Variants in CNPY3 observed in about 807,000 individuals in gnomAD.
CNPY3 encodes protein canopy homolog 3.
Under a neutral mutation model 32.0 loss-of-function variants are expected in CNPY3, and 20 were observed. The observed-to-expected ratio is 0.63, with a 90% CI of 0.44 to 0.91. The LOEUF is 0.91. Ranked by LOEUF, CNPY3 falls within the 40% of genes least tolerant of loss-of-function variation. The pLI is 0.00. For synonymous variants in CNPY3, 138 were observed against 142.9 expected (o/e 0.97, Z 0.24); for missense variants, 299 against 340.8 (o/e 0.88, Z 0.97).
In CNPY3 at chr6:42,939,031, T is replaced by C; in HGVS notation, c.*240T>C. 7.6e-7 allele frequency: 1 copy of C among 1,309,788 alleles called. No homozygotes were observed. Among genetic ancestry groups the C allele is most frequent in the Admixed American group, 3.5e-5 (1 of 28,920 alleles). 81.1% of individuals were successfully genotyped at this position (1,309,788 alleles called of 1,614,324 possible). Reference sequence around the variant, plus strand: ...TGACCCAGGGTTCAGGCAGGCCTTGTGGTTTCAGGACTGCAAGGACTCCAG... The same window carrying C: ...TGACCCAGGGTTCAGGCAGGCCTTGCGGTTTCAGGACTGCAAGGACTCCAG... On this transcript the variant is annotated 3_prime_UTR_variant, in exon 6 of 6. Transcript: ENST00000372836.
chr6:42,934,253 A>G (rs1768050570), intron 1 of CNPY3, among the ~76,000 whole-genome samples: 1 of 152,208 alleles, frequency 6.6e-6, no homozygotes, highest in Non-Finnish European at 1.5e-5. Flanking sequence ...GAAATCCTAG[A>G]GGCATTCCTG....
chr6:42,929,925 A>G (rs1301087677), intron 1 of CNPY3, among the ~76,000 whole-genome samples: 1 of 151,980 alleles, frequency 6.6e-6, no homozygotes, highest in East Asian at 1.9e-4. Flanking sequence ...GAAACAAGCA[A>G]TGATAATTCA....
In CNPY3 at chr6:42,939,046, A is replaced by T; in HGVS notation, c.*255A>T. On this transcript the variant is annotated 3_prime_UTR_variant, in exon 6 of 6. Transcript: ENST00000372836. Reference sequence around the variant, plus strand: ...GCAGGCCTTGTGGTTTCAGGACTGCAAGGACTCCAGTGTGAACTCAGGAGG... The same window carrying T: ...GCAGGCCTTGTGGTTTCAGGACTGCTAGGACTCCAGTGTGAACTCAGGAGG... The T allele has an allele frequency of 7.8e-7, 1 of 1,281,762 alleles. No homozygotes were observed. The allele number at this position is 1,281,762 out of a possible 1,614,324, so 79.4% of individuals were successfully genotyped here.
intron 2 of CNPY3, 95 bp downstream of exon 2, chr6:42,934,693 A>C (rs893122769): frequency 6.5e-7 from 1 of 1,540,374 alleles, no homozygotes; most frequent in African/African-American, 1.4e-5. Flanking sequence ...AACCCCCTAC[A>C]AGGGCATCAT....
chr6:42,936,432 T>G (rs756081910), intron 3 of CNPY3, among the ~76,000 whole-genome samples: 24 of 152,206 alleles, frequency 1.6e-4, no homozygotes, highest in Non-Finnish European at 1.3e-4. Flanking sequence ...CAATAGGGGA[T>G]TAAATACGTT....
chr6:42,936,451 C>T (rs977063715), intron 3 of CNPY3, among the ~76,000 whole-genome samples: 3 of 152,122 alleles, frequency 2.0e-5, no homozygotes, highest in African/African-American at 4.8e-5. Context: ...TTGATCCAGC[C>T]GTTTGGTGGA....
intron 1 of CNPY3, among the ~76,000 whole-genome samples, 198 bp from the exon 2 acceptor site, chr6:42,934,277 T>C (rs1768051930): frequency 6.6e-6 from 1 of 152,164 alleles, no homozygotes; most frequent in Admixed American, 6.5e-5. Context: ...CTGGGGTTAA[T>C]CAGAAGTCAA....
At chr6:42,932,026 A>T (rs1317174068) in intron 1 of CNPY3, among the ~76,000 whole-genome samples, 2 of 152,174 alleles carry the variant, frequency 1.3e-5, no homozygotes, top group East Asian at 1.9e-4. Context: ...CCCAGCCTGT[A>T]TTCTGTCTTA....
intron 1 of CNPY3, 151 bp from the exon 2 acceptor site, chr6:42,934,324 C>T (rs1768055632): frequency 2.4e-6 from 2 of 841,104 alleles, no homozygotes; most frequent in African/African-American, 1.7e-5. Context: ...GTTGCTTTAG[C>T]CTCCACAGGT....
intron 1 of CNPY3, among the ~76,000 whole-genome samples, chr6:42,933,936 C>T (rs1198255243): frequency 1.3e-5 from 2 of 152,028 alleles, no homozygotes; most frequent in African/African-American, 2.4e-5. Context: ...TTTGTGAGGC[C>T]GAGGTGGGCG....
Position 42,939,264 on chromosome 6 carries a change from T to G in CNPY3, c.*473T>G. On this transcript the variant is annotated 3_prime_UTR_variant, in exon 6 of 6. Transcript: ENST00000372836. ...AAGAGTAAAAATGTTCTGGTTCTGA[T>G]TTCTGAGTCCTCTGCAGCCCTCAGA... The G allele has an allele frequency of 3.0e-6, 3 of 987,132 alleles. No homozygotes were observed. Among genetic ancestry groups the G allele is most frequent in the Non-Finnish European group, 3.6e-6 (3 of 831,278 alleles). The allele number at this position is 987,132 out of a possible 1,614,324, so 61.1% of individuals were successfully genotyped here.
At chr6:42,933,559 T>C (rs760722315) in intron 1 of CNPY3, among the ~76,000 whole-genome samples, 1 of 152,172 alleles carries the variant, frequency 6.6e-6, no homozygotes, top group African/African-American at 2.4e-5. Context: ...AAAGATGTTT[T>C]GGGGACAATT....
Position 42,929,581 on chromosome 6 carries a change from T to A in CNPY3, c.11T>A (p.Met4Lys). The A allele has an allele frequency of 6.3e-7, 1 of 1,577,594 alleles. No homozygotes were observed. Among genetic ancestry groups the A allele is most frequent in the South Asian group, 1.1e-5 (1 of 87,218 alleles). The change falls in exon 1 of 6, where the codon ATG becomes AAG. Residue 4 changes from methionine to lysine, a missense_variant. This residue lies in a region of CNPY3 where 88 missense variants were observed against 62.5 expected (regional missense o/e 1.41). Transcript: ENST00000372836. ...GGGCCCGGCCGGGCCATGGATTCAA[T>A]GCCTGAGCCCGCGTCCCGCTGTCTT... MDS[M>K]PEPASRCLLL...
At chr6:42,932,801 G>T (rs186956623) in intron 1 of CNPY3, among the ~76,000 whole-genome samples, 46 of 152,232 alleles carry the variant, frequency 3.0e-4, no homozygotes, top group African/African-American at 1.0e-3. Flanking sequence ...CCAAGCCATT[G>T]ATTAATTTCA....
At chr6:42,937,695 C>T in intron 3 of CNPY3, 22 bp from the exon 4 acceptor site, 1 of 1,613,408 alleles carries the variant, frequency 6.2e-7, no homozygotes, top group Non-Finnish European at 8.5e-7. Context: ...CTCCGCCTGC[C>T]ATATCTGGTC....
chr6:42,929,639 GC>G lies in CNPY3; in HGVS notation c.70del (p.Leu24CysfsTer36). ...LLPLLLLLLL[L>X]LPAPELGPSQ... The stretch of plus-strand genomic sequence containing the variant: ...TTCCCTTGCTGCTGCTGCTGCTGCT[GC>G]TGCTGCCGGCCCCGGAGCTGGGCCC... On this transcript the variant is annotated frameshift_variant, in exon 1 of 6. Transcript: ENST00000372836. LOFTEE classifies it high-confidence loss of function. 6.4e-7 allele frequency: 1 copy of G among 1,555,242 alleles called. No homozygotes were observed.
chr6:42,931,048 C>A (rs1285176318), intron 1 of CNPY3, among the ~76,000 whole-genome samples: 3 of 151,908 alleles, frequency 2.0e-5, no homozygotes. Flanking sequence ...TGCCACCATG[C>A]CCAGCTAATT....
chr6:42,935,322 CA>C, intron 2 of CNPY3: 4 of 677,164 alleles, frequency 5.9e-6, no homozygotes, highest in Non-Finnish European at 7.3e-6. Flanking sequence ...TTTGCTTTAT[CA>C]AAAAATCTAA....
rs34394157 is a variant in CNPY3 at position 42,935,582 on chromosome 6, G to A, written c.284G>A (p.Arg95Gln). 20 of 1,608,322 alleles carry A rather than the reference G, an allele frequency of 1.2e-5. No individual in the cohort carries two copies. Among genetic ancestry groups the A allele is most frequent in the Non-Finnish European group, 1.5e-5 (18 of 1,175,388 alleles). The change falls in exon 3 of 6, where the codon CGG becomes CAG. Residue 95 changes from arginine (R) to glutamine (Q), a missense_variant. Around this residue, in one of 2 missense-constraint regions of CNPY3, gnomAD observed 211 missense variants for 278.3 expected, o/e 0.76. Transcript: ENST00000372836. ...TCCTCCTGTCTTGGCAGGGACTTGC[G>A]GTTAATCGAAGTCACTGAGACCATT... ...SGVKYTKSDL[R>Q]LIEVTETICK...
Sources: allele counts gnomAD v4.1 joint callset (sites outside exome capture counted in the v4.1 genomes callset), GRCh38; gene constraint gnomAD v4.1.1; regional missense constraint gnomAD v4.1.1; transcripts MANE v1.5; gene names NCBI Gene and HGNC (gene_info 2026-07-23, HGNC 2026-07-21).